SMPDL3B: variants seen among roughly 807,000 people sequenced by gnomAD.
The protein encoded by SMPDL3B is sphingomyelin phosphodiesterase acid like 3B, also known as acid sphingomyelinase-like phosphodiesterase 3b.
SMPDL3B carries 31 observed loss-of-function variants against 37.9 expected under a neutral mutation model. The observed-to-expected ratio is 0.82, with a 90% CI of 0.61 to 1.10. The LOEUF (loss-of-function observed/expected upper bound fraction) is 1.10, where lower values mean the gene tolerates loss of function less well. Among genes scored for constraint, SMPDL3B ranks in the 50% least tolerant of loss-of-function variants. The pLI, the probability that SMPDL3B is intolerant of heterozygous loss-of-function variation, is 0.00. For synonymous variants in SMPDL3B, 235 were observed against 242.6 expected, an observed-to-expected ratio of 0.97 and a Z score of 0.29; for missense variants, 525 against 597.8, an observed-to-expected ratio of 0.88 and a Z score of 1.27.
At chr1:27,943,912 G>A (rs1002131080) in intron 1 of SMPDL3B, among the ~76,000 whole-genome samples, 3 of 151,502 alleles carry the variant, frequency 2.0e-5, no homozygotes, top group Non-Finnish European at 4.4e-5. Flanking sequence ...TGCTTGGGAG[G>A]CTGAGGCCAG....
Position 27,955,740 on chromosome 1 carries a change from A to G in SMPDL3B, c.747A>G (p.Ala249=). 2 of 1,614,128 alleles carry G rather than the reference A, an allele frequency of 1.2e-6. No homozygotes were observed. Among genetic ancestry groups the G allele is most frequent in the Non-Finnish European group, 1.7e-6 (2 of 1,180,012 alleles). ...PGFFEKTQNK[A]WFREGFNEKY... Reference sequence around the variant, plus strand: ...TCTTTGAGAAGACGCAAAACAAGGCATGGTTCCGGGAGGGCTTCAATGAAA... The same window carrying G: ...TCTTTGAGAAGACGCAAAACAAGGCGTGGTTCCGGGAGGGCTTCAATGAAA... Residue 249 remains alanine, a synonymous_variant, in exon 6 of 8, where the codon GCA becomes GCG. Coordinates refer to ENST00000373894, the MANE Select transcript of SMPDL3B (RefSeq NM_014474.4).
chr1:27,953,259 A>C lies in SMPDL3B; in HGVS notation c.418A>C (p.Lys140Gln), dbSNP rs1216420948. ...AALGNHDFHP[K>Q]NQFPAGSNNI... Reference sequence around the variant, plus strand: ...TTTGGGAAATCATGATTTTCACCCCAAAAACCAGTTCCCAGCTGGAAGTAA... The same window carrying C: ...TTTGGGAAATCATGATTTTCACCCCCAAAACCAGTTCCCAGCTGGAAGTAA... Residue 140 changes from lysine to glutamine, a missense_variant, in exon 4 of 8, where the codon AAA becomes CAA. Lys to Gln is a moderately conservative substitution (Grantham distance 53). Transcript: ENST00000373894. The C allele has an allele frequency of 1.2e-6, 2 of 1,612,374 alleles. No individual in the cohort carries two copies. The highest frequency in any genetic ancestry group is 2.7e-5 in the African/African-American group (2 of 74,878).
chr1:27,958,577 C>A lies in SMPDL3B; in HGVS notation c.1107C>A (p.Asp369Glu), dbSNP rs1176355077. 6.2e-7 allele frequency: 1 copy of A among 1,613,796 alleles called. No individual in the cohort carries two copies. Among genetic ancestry groups the A allele is most frequent in the South Asian group, 1.1e-5 (1 of 91,090 alleles). ...TGACCGAGGCCTATGGGGTGCCGGA[C>A]GCCAGCGCCCACTCCATGCACACAG... ...YQLTEAYGVP[D>E]ASAHSMHTVL... Residue 369 changes from aspartate (D) to glutamate (E), a missense_variant, in exon 8 of 8, where the codon GAC (aspartate) becomes GAA (glutamate). Coordinates refer to ENST00000373894, the MANE Select transcript of SMPDL3B (RefSeq NM_014474.4). This position sits in a 1 kb window ranked among gnomAD's most constrained non-coding sequence, Gnocchi z 5.6.
At chr1:27,957,085 T>C (rs1459153277) in intron 7 of SMPDL3B, among the ~76,000 whole-genome samples, 4 of 152,098 alleles carry the variant, frequency 2.6e-5, no homozygotes, top group Non-Finnish European at 2.9e-5. Context: ...ATGAGGACTC[T>C]GGATTTGGAG....
intron 7 of SMPDL3B, chr1:27,956,471 T>C (rs1470535952): frequency 1.6e-6 from 2 of 1,221,670 alleles, no homozygotes; most frequent in Non-Finnish European, 2.1e-6. Flanking sequence ...TGTGTCTCCT[T>C]GACCTAGTAC....
chr1:27,951,328 T>G (rs563262035), intron 3 of SMPDL3B, among the ~76,000 whole-genome samples: 187 of 152,024 alleles, frequency 1.2e-3, no homozygotes, highest in African/African-American at 4.2e-3. Context: ...AAAACACAAG[T>G]CAAGCAGAAC....
chr1:27,948,865 G>A, intron 2 of SMPDL3B, 200 bp from the exon 3 acceptor site: 1 of 901,862 alleles, frequency 1.1e-6, no homozygotes, highest in Non-Finnish European at 1.7e-6. Flanking sequence ...AGCCAATCAA[G>A]GGACCCACAG....
Position 27,955,831 on chromosome 1 carries a change from A to G in SMPDL3B, c.838A>G (p.Thr280Ala), listed in dbSNP as rs761204385. ...IAGQFFGHHH[T>A]DSFRMLYDDA... is the part of the protein sequence containing the mutation. ...AGGGCAGTTCTTCGGGCACCACCAC[A>G]CCGACAGCTTTCGGATGCTCTATGA... The change falls in exon 6 of 8, where the codon ACC becomes GCC. Residue 280 changes from threonine to alanine, a missense_variant. By Grantham distance (58) the Thr-to-Ala change is moderately conservative. Transcript: ENST00000373894. 2.5e-6 allele frequency: 4 copies of G among 1,613,902 alleles called. No homozygotes were observed. Among genetic ancestry groups the G allele is most frequent in the Non-Finnish European group, 3.4e-6 (4 of 1,179,996 alleles).
Position 27,953,230 on chromosome 1 carries a change from C to T in SMPDL3B, c.389C>T (p.Ala130Val), listed in dbSNP as rs1489004171. Residue 130 changes from alanine to valine, a missense_variant, in exon 4 of 8, where the codon GCT becomes GTT. Ala to Val is a moderately conservative substitution (Grantham distance 64). Transcript: ENST00000373894. ...TTCTTCCTAGATACTAAAGTCTATG[C>T]TGCTTTGGGAAATCATGATTTTCAC... ...REVFPDTKVY[A>V]ALGNHDFHPK... 6.2e-7 allele frequency: 1 copy of T among 1,613,092 alleles called. No individual in the cohort carries two copies. Among genetic ancestry groups the T allele is most frequent in the African/African-American group, 1.3e-5 (1 of 74,884 alleles).
intron 2 of SMPDL3B, among the ~76,000 whole-genome samples, chr1:27,948,472 C>T (rs1004347425): frequency 1.3e-5 from 2 of 152,136 alleles, no homozygotes; most frequent in African/African-American, 2.4e-5. Context: ...CCTTGCCAAG[C>T]ATTTCTAAGG....
At chr1:27,954,616 A>C in intron 5 of SMPDL3B, 90 bp downstream of exon 5, 1 of 1,264,450 alleles carries the variant, frequency 7.9e-7, no homozygotes, top group East Asian at 2.3e-5. Context: ...CCACCCAAAG[A>C]TGCCCATATC....
At chr1:27,935,478 G>C (rs1313858958) in intron 1 of SMPDL3B, among the ~76,000 whole-genome samples, 2 of 152,162 alleles carry the variant, frequency 1.3e-5, no homozygotes, top group African/African-American at 4.8e-5. Context: ...AGAGGTCTGG[G>C]TACGTGAGAG....
intron 1 of SMPDL3B, among the ~76,000 whole-genome samples, chr1:27,941,056 G>C (rs2090353599): frequency 6.6e-6 from 1 of 152,210 alleles, no homozygotes; most frequent in Admixed American, 6.5e-5. Flanking sequence ...CATGGAAGAG[G>C]CTGGATTAGA....
At chr1:27,956,739 G>A (rs1638293797) in intron 7 of SMPDL3B, among the ~76,000 whole-genome samples, 1 of 152,188 alleles carries the variant, frequency 6.6e-6, no homozygotes, top group South Asian at 2.1e-4. Context: ...CATCTTACAG[G>A]AGAGGGACAA....
chr1:27,954,348 T>TGACA lies in SMPDL3B; in HGVS notation c.518-4_518-1dup, dbSNP rs749292996. ...GCCTCCTTCATATTGTCCCTGGCTG[T>TGACA]GACAGGTGCCTTCTACTGTGAGAAG... is the stretch of plus-strand genomic sequence containing the variant. On this transcript the variant is annotated splice_region_variant and splice_polypyrimidine_tract_variant and intron_variant, in intron 4 of 7. Coordinates refer to ENST00000373894, the MANE Select transcript of SMPDL3B (RefSeq NM_014474.4). The TGACA allele has an allele frequency of 2.8e-5, 45 of 1,612,374 alleles. No individual in the cohort carries two copies. Among genetic ancestry groups the TGACA allele is most frequent in the Non-Finnish European group, 3.8e-5 (45 of 1,178,912 alleles).
intron 5 of SMPDL3B, among the ~76,000 whole-genome samples, chr1:27,955,410 A>G (rs1189447363): frequency 6.6e-6 from 1 of 152,220 alleles, no homozygotes; most frequent in Non-Finnish European, 1.5e-5. Context: ...GGAAAGCTTC[A>G]TGGGGGAGGT....
chr1:27,955,646 G>A (rs779203349), intron 5 of SMPDL3B, 38 bp from the exon 6 acceptor site: 2 of 1,586,254 alleles, frequency 1.3e-6, no homozygotes, highest in Non-Finnish European at 1.7e-6. Flanking sequence ...TCTGGAGAGG[G>A]CATCTGTGAG....
chr1:27,947,716 C>T (rs541448727), intron 2 of SMPDL3B, among the ~76,000 whole-genome samples: 7 of 148,676 alleles, frequency 4.7e-5, no homozygotes, highest in Admixed American at 4.0e-4. Context: ...GGTGCGATCT[C>T]GGCTCACTGG....
Position 27,955,858 on chromosome 1 carries a change from G to T in SMPDL3B, c.865G>T (p.Asp289Tyr). 4 of 1,613,164 alleles carry T rather than the reference G, an allele frequency of 2.5e-6. No individual in the cohort carries two copies. The highest frequency in any genetic ancestry group is 3.4e-6 in the Non-Finnish European group (4 of 1,179,238). Reference sequence around the variant, plus strand: ...CGACAGCTTTCGGATGCTCTATGATGATGCAGGTATTCAACCTGGAGGGCA... The same window carrying T: ...CGACAGCTTTCGGATGCTCTATGATTATGCAGGTATTCAACCTGGAGGGCA... ...HTDSFRMLYD[D>Y]AGVPISAMFI... Residue 289 changes from aspartate to tyrosine, a missense_variant, in exon 6 of 8, where the codon GAT (aspartate) becomes TAT (tyrosine). Physicochemically the swap from Asp to Tyr is radical, Grantham distance 160. Transcript: ENST00000373894.
Sources: allele counts gnomAD v4.1 joint callset (sites outside exome capture counted in the v4.1 genomes callset), GRCh38; gene constraint gnomAD v4.1.1; non-coding constraint Gnocchi (gnomAD v3.1); transcripts MANE v1.5; gene names NCBI Gene and HGNC (gene_info 2026-07-23, HGNC 2026-07-21).